EPHA6: variants seen among roughly 807,000 people sequenced by gnomAD.
The protein encoded by EPHA6 is EPH receptor A6.
In EPHA6, 50 loss-of-function variants were observed where a neutral mutation model predicts 112.0. That is an observed-to-expected ratio of 0.45 (90% CI 0.36 to 0.56). EPHA6 has a LOEUF of 0.56. Among genes scored for constraint, EPHA6 ranks in the 20% least tolerant of loss-of-function variants. The probability of loss-of-function intolerance (pLI) is 0.00; values close to 1 mark genes in which losing one functional copy is unlikely to be tolerated. For synonymous variants in EPHA6, 529 were observed against 490.7 expected (o/e 1.08, Z -1.03); for missense variants, 1,280 against 1,417.4 (o/e 0.90, Z 1.56).
At chr3:97,197,373 T>G (rs2077468399) in intron 3 of EPHA6, among the ~76,000 whole-genome samples, 3 of 151,942 alleles carry the variant, frequency 2.0e-5, no homozygotes, top group Non-Finnish European at 4.4e-5. Flanking sequence ...GTCCAAGCGC[T>G]CTTTAGTCAT....
At chr3:96,837,505 A>G (rs1194328128) in intron 1 of EPHA6, among the ~76,000 whole-genome samples, 1 of 152,156 alleles carries the variant, frequency 6.6e-6, no homozygotes. Context: ...TGAAAGTGCA[A>G]CTAATTTGGT....
chr3:96,972,424 AACACACACACAC>A lies in EPHA6; in HGVS notation c.451-14879_451-14868del, dbSNP rs3070424. Among the ~76,000 whole-genome samples, 322 of 144,854 alleles carry A rather than the reference AACACACACACAC, an allele frequency of 2.2e-3. 1 individual carries two copies. Among genetic ancestry groups the A allele is most frequent in the African/African-American group, 7.2e-3 (286 of 39,886 alleles). On this transcript the variant is annotated intron_variant, in intron 2 of 17. Transcript: ENST00000389672. Reference sequence around the variant, plus strand: ...AAGAGATTTCAGAAACACACACACAAACACACACACACACACACACACACACACACACACACA... The same window carrying A: ...AAGAGATTTCAGAAACACACACACAAACACACACACACACACACACACACA...
At chr3:97,096,059 A>G (rs1200062959) in intron 3 of EPHA6, among the ~76,000 whole-genome samples, 2 of 152,028 alleles carry the variant, frequency 1.3e-5, no homozygotes, top group African/African-American at 4.8e-5. Context: ...TGAGGACCTA[A>G]TATGAAATTC....
chr3:97,265,439 G>T (rs780515758), intron 5 of EPHA6, among the ~76,000 whole-genome samples: 4 of 152,202 alleles, frequency 2.6e-5, no homozygotes, highest in Admixed American at 6.5e-5. Context: ...GTGGCAAGGG[G>T]CTGGTGTGTC....
In EPHA6 at chr3:96,905,575, A is replaced by G. The variant is rs2038888077; in HGVS notation, c.450+38686A>G. 3.3e-5 allele frequency among the ~76,000 whole-genome samples: 5 copies of G among 152,078 alleles called. No homozygotes were observed. The South Asian group carries it at 6.2e-4, about 19-fold the overall frequency. On this transcript the variant is annotated intron_variant, in intron 2 of 17. Transcript: ENST00000389672. ...TCTAGACCAAATTAAGTATCTCACAATTCTATAGCACTGGATTCTAGAATA... is the reference window on the plus strand; with the variant it reads ...TCTAGACCAAATTAAGTATCTCACAGTTCTATAGCACTGGATTCTAGAATA...
chr3:97,748,017 A>G (rs936352115), intron 17 of EPHA6, among the ~76,000 whole-genome samples: 1 of 152,116 alleles, frequency 6.6e-6, no homozygotes, highest in African/African-American at 2.4e-5. Context: ...CCTACATGCA[A>G]TGAAAATATT....
At chr3:97,152,630 A>T (rs888896499) in intron 3 of EPHA6, among the ~76,000 whole-genome samples, 5 of 152,048 alleles carry the variant, frequency 3.3e-5, no homozygotes, top group Admixed American at 3.3e-4. Context: ...CCGAGGATTC[A>T]GCATTTACTT....
At chr3:97,484,559 T>C (rs552773697) in intron 10 of EPHA6, among the ~76,000 whole-genome samples, 27 of 152,344 alleles carry the variant, frequency 1.8e-4, no homozygotes, top group African/African-American at 6.3e-4. Context: ...TATTCAACTA[T>C]CCTGAATAAA....
At position 97,017,058 on chromosome 3, in the gene EPHA6, A is replaced by C. The variant is rs139830787; in HGVS notation, c.1114+29065A>C. Among the ~76,000 whole-genome samples, 180 of 152,302 alleles carry C rather than the reference A, an allele frequency of 1.2e-3. 1 individual carries two copies. Among genetic ancestry groups the C allele is most frequent in the African/African-American group, 4.1e-3 (172 of 41,572 alleles). ...TAGAGGGACAGAGCAAGATGGCCAA[A>C]TAGAAGCCTCCAATCATCCCACTAC... On this transcript the variant is annotated intron_variant, in intron 3 of 17. Transcript: ENST00000389672.
At chr3:97,311,556 CT>C (rs955904742) in intron 5 of EPHA6, among the ~76,000 whole-genome samples, 2 of 151,632 alleles carry the variant, frequency 1.3e-5, no homozygotes, top group Non-Finnish European at 3.0e-5. Flanking sequence ...TTTTCTTTCC[CT>C]TTTTGAATTG....
At chr3:97,304,823 G>A (rs912428647) in intron 5 of EPHA6, among the ~76,000 whole-genome samples, 4 of 151,910 alleles carry the variant, frequency 2.6e-5, no homozygotes, top group African/African-American at 9.7e-5. Context: ...CAGGACATAG[G>A]CACAGGCAAA....
chr3:96,887,579 GGAGGTTA>G (rs1323277972), intron 2 of EPHA6, among the ~76,000 whole-genome samples: 3 of 152,166 alleles, frequency 2.0e-5, no homozygotes, highest in African/African-American at 7.2e-5. Flanking sequence ...CCTCCTGCCG[GGAGGTTA>G]TGCTCTCCAG....
rs776421078 is a variant in EPHA6, at chr3:97,747,583, C to A, written c.3278+11C>A. ...AAGAATGAGCATTGAGTAAGTGATA[C>A]TAGGTTTATTACTGTAACGAGATGT... On this transcript the variant is annotated intron_variant, in intron 17 of 17. Transcript: ENST00000389672. The A allele has an allele frequency of 1.3e-6, 2 of 1,597,464 alleles. No individual in the cohort carries two copies. The highest frequency in any genetic ancestry group is 2.3e-5 in the East Asian group (1 of 43,862).
chr3:96,986,190 T>C (rs1205092120), intron 2 of EPHA6, among the ~76,000 whole-genome samples: 3 of 152,174 alleles, frequency 2.0e-5, no homozygotes, highest in Admixed American at 6.5e-5. Context: ...GAATAAATAT[T>C]GATAATATAA....
intron 5 of EPHA6, among the ~76,000 whole-genome samples, chr3:97,371,810 C>T (rs2085072068): frequency 6.6e-6 from 1 of 152,044 alleles, no homozygotes; most frequent in Non-Finnish European, 1.5e-5. Context: ...TAGGGGTAGG[C>T]CTCTAAAGTG....
chr3:96,982,309 T>G (rs1013269880), intron 2 of EPHA6, among the ~76,000 whole-genome samples: 2 of 152,232 alleles, frequency 1.3e-5, no homozygotes, highest in African/African-American at 2.4e-5. Flanking sequence ...CATTTTGTTA[T>G]GTACTCAGTA....
At chr3:96,958,199 A>G (rs2041831539) in intron 2 of EPHA6, among the ~76,000 whole-genome samples, 1 of 151,982 alleles carries the variant, frequency 6.6e-6, no homozygotes, top group South Asian at 2.1e-4. Context: ...CTGAGGCAGT[A>G]GAATCACTTG....
chr3:97,554,781 T>C (rs147530136), intron 11 of EPHA6, among the ~76,000 whole-genome samples: 21 of 152,126 alleles, frequency 1.4e-4, no homozygotes, highest in Admixed American at 1.4e-3. Flanking sequence ...ATGTAGTCTG[T>C]ATCATGGTGG....
chr3:96,896,736 A>T (rs1229488585), intron 2 of EPHA6, among the ~76,000 whole-genome samples: 1 of 152,298 alleles, frequency 6.6e-6, no homozygotes, highest in Non-Finnish European at 1.5e-5. Context: ...AGGAATTATG[A>T]TATCACCTTA....
Sources: gnomAD v4.1 joint callset for allele counts (sites outside exome capture counted in the v4.1 genomes callset) on GRCh38, gnomAD v4.1.1 for gene constraint, MANE v1.5 for transcripts, NCBI Gene and HGNC (gene_info 2026-07-23, HGNC 2026-07-21) for gene names.